FAM24B: variants seen among roughly 807,000 people sequenced by gnomAD.
FAM24B encodes family with sequence similarity 24 member B.
Under a neutral mutation model 2.3 loss-of-function variants are expected in FAM24B, and 3 were observed. The ratio of observed to expected loss-of-function variants is 1.29; its 90% CI spans 0.59 to 3.32. The LOEUF (loss-of-function observed/expected upper bound fraction) is 3.32, where lower values mean the gene tolerates loss of function less well. FAM24B is among the 30% of genes most tolerant of loss of function. FAM24B has a pLI of 0.03. For synonymous variants in FAM24B, 36 were observed against 46.3 expected (o/e 0.78, Z 0.90); for missense variants, 98 against 117.2 (o/e 0.84, Z 0.76).
At chr10:122,874,949 T>C (rs1847955353) in intron 1 of FAM24B, among the ~76,000 whole-genome samples, 1 of 152,228 alleles carries the variant, frequency 6.6e-6, no homozygotes, top group Admixed American at 6.5e-5. Context: ...TTTATCTTGC[T>C]TGGTGTTCTC....
intron 1 of FAM24B, among the ~76,000 whole-genome samples, chr10:122,863,881 A>G (rs1847762391): frequency 6.6e-6 from 1 of 152,208 alleles, no homozygotes; most frequent in African/African-American, 2.4e-5. Context: ...GTCCTTTTCC[A>G]GCAGGCACAA....
Position 122,849,106 on chromosome 10 carries a change from G to T in FAM24B, c.*141C>A. 2 of 527,060 alleles carry T rather than the reference G, an allele frequency of 3.8e-6. No homozygotes were observed. The highest frequency in any genetic ancestry group is 6.2e-6 in the Non-Finnish European group (2 of 324,312). The allele number at this position is 527,060 out of a possible 1,614,324, so 32.6% of individuals were successfully genotyped here. A position where few individuals can be genotyped will look rare whatever the true frequency, so the allele number is the denominator to read the frequency against. ...GCAGCAAAGAGGATTATTTTTAATA[G>T]TGTACATTTATTCAAAAGTATATAA... On this transcript the variant is annotated 3_prime_UTR_variant, in exon 4 of 4. Coordinates refer to ENST00000368898, the MANE Select transcript of FAM24B (RefSeq NM_152644.3).
intron 1 of FAM24B, among the ~76,000 whole-genome samples, chr10:122,873,290 C>T (rs752353816): frequency 5.9e-5 from 9 of 152,212 alleles, no homozygotes; most frequent in Non-Finnish European, 8.8e-5. Flanking sequence ...AGCCAACGCT[C>T]ATTTACCATT....
At chr10:122,868,274 G>A (rs1298066523) in intron 1 of FAM24B, among the ~76,000 whole-genome samples, 4 of 152,266 alleles carry the variant, frequency 2.6e-5, no homozygotes, top group African/African-American at 9.6e-5. Context: ...CAAGAAATAT[G>A]GGACTATGTG....
chr10:122,873,314 G>A (rs1196985415), intron 1 of FAM24B, among the ~76,000 whole-genome samples: 1 of 152,148 alleles, frequency 6.6e-6, no homozygotes, highest in East Asian at 1.9e-4. Context: ...AAAATCCTAG[G>A]GCTCTTAAGA....
chr10:122,869,376 C>G (rs1268633488), intron 1 of FAM24B, among the ~76,000 whole-genome samples: 7 of 152,130 alleles, frequency 4.6e-5, no homozygotes, highest in Non-Finnish European at 8.8e-5. Context: ...GCAGATCAAC[C>G]AGACAGAAAG....
intron 1 of FAM24B, among the ~76,000 whole-genome samples, chr10:122,868,459 G>C (rs1847837455): frequency 6.6e-6 from 1 of 152,096 alleles, no homozygotes; most frequent in Non-Finnish European, 1.5e-5. Flanking sequence ...CTGGAGAAGA[G>C]CAACTCCAAG....
chr10:122,867,727 G>C (rs886129934), intron 1 of FAM24B, among the ~76,000 whole-genome samples: 3 of 152,164 alleles, frequency 2.0e-5, no homozygotes, highest in African/African-American at 4.8e-5. Flanking sequence ...TGCAGCTGAG[G>C]GTCCTGAGAG....
intron 1 of FAM24B, among the ~76,000 whole-genome samples, chr10:122,878,438 C>T (rs1405422500): frequency 6.6e-6 from 1 of 151,944 alleles, no homozygotes; most frequent in Non-Finnish European, 1.5e-5. Flanking sequence ...AAGGCTGAGG[C>T]AGGAGAATCG....
At chr10:122,850,057 T>TCCC (rs1337274298) in intron 3 of FAM24B, among the ~76,000 whole-genome samples, 1 of 151,912 alleles carries the variant, frequency 6.6e-6, no homozygotes, top group Admixed American at 6.6e-5. Context: ...TCATGCAGCC[T>TCCC]CCCCCACAGA....
At chr10:122,870,769 A>G (rs1187957270) in intron 1 of FAM24B, among the ~76,000 whole-genome samples, 3 of 152,228 alleles carry the variant, frequency 2.0e-5, no homozygotes, top group Admixed American at 6.5e-5. Context: ...TAAATTAGGT[A>G]TTGACGGGAC....
intron 1 of FAM24B, among the ~76,000 whole-genome samples, chr10:122,861,998 T>C (rs111416260): frequency 0.015 from 2,235 of 152,306 alleles, 53 homozygotes; most frequent in African/African-American, 0.045. Flanking sequence ...CATCTTGCTT[T>C]CTTTCACTGA....
At chr10:122,872,806 C>T (rs1340567523) in intron 1 of FAM24B, among the ~76,000 whole-genome samples, 3 of 151,872 alleles carry the variant, frequency 2.0e-5, no homozygotes, top group South Asian at 2.1e-4. Context: ...GGAGGGGGGA[C>T]GGATAGCATT....
At chr10:122,849,531 G>T in intron 3 of FAM24B, 92 bp from the exon 4 acceptor site, 1 of 1,154,932 alleles carries the variant, frequency 8.7e-7, no homozygotes, top group Non-Finnish European at 1.2e-6. Flanking sequence ...GGAGTTTAGT[G>T]CTGAAGCCAG....
intron 1 of FAM24B, among the ~76,000 whole-genome samples, chr10:122,876,700 G>T (rs985391987): frequency 6.6e-6 from 1 of 152,134 alleles, no homozygotes; most frequent in Non-Finnish European, 1.5e-5. Flanking sequence ...CCAGTTTGGG[G>T]GTGGCCATTT....
At position 122,849,112 on chromosome 10, in the gene FAM24B, A is replaced by G. The variant is rs1847481405; in HGVS notation, c.*135T>C. 1 of 574,634 alleles carries G rather than the reference A, an allele frequency of 1.7e-6. No individual in the cohort carries two copies. The highest frequency in any genetic ancestry group is 1.9e-5 in the African/African-American group (1 of 51,760). 35.6% of individuals were successfully genotyped at this position (574,634 alleles called of 1,614,324 possible). On this transcript the variant is annotated 3_prime_UTR_variant, in exon 4 of 4. Coordinates refer to ENST00000368898, the MANE Select transcript of FAM24B (RefSeq NM_152644.3). ...AAGAGGATTATTTTTAATAGTGTAC[A>G]TTTATTCAAAAGTATATAAAACAAC...
Position 122,869,046 on chromosome 10 carries a change from G to A in FAM24B, c.-178+10439C>T, listed in dbSNP as rs1430015989. ...GCTGTATTCAGGAAACCCATCTCAC[G>A]TGCAGAGACACACATAGGCTCAAAA... is the stretch of plus-strand genomic sequence containing the variant. On this transcript the variant is annotated intron_variant, in intron 1 of 3. Transcript: ENST00000368898. Among the ~76,000 whole-genome samples the A allele has an allele frequency of 4.6e-5, 7 of 152,044 alleles. No homozygotes were observed. The South Asian group carries it at 6.2e-4, about 14-fold the overall frequency.
intron 2 of FAM24B, among the ~76,000 whole-genome samples, chr10:122,855,049 T>C (rs1487662999): frequency 6.6e-6 from 1 of 152,232 alleles, no homozygotes; most frequent in Non-Finnish European, 1.5e-5. Context: ...TATCTTTACC[T>C]TCAGACTCTT....
intron 1 of FAM24B, among the ~76,000 whole-genome samples, chr10:122,878,777 A>G (rs950897903): frequency 2.0e-5 from 3 of 151,112 alleles, no homozygotes; most frequent in Admixed American, 6.6e-5. Context: ...AGACTGGGTG[A>G]TAATACTGAA....
Sources: allele counts gnomAD v4.1 joint callset (sites outside exome capture counted in the v4.1 genomes callset), GRCh38; gene constraint gnomAD v4.1.1; transcripts MANE v1.5; gene names NCBI Gene and HGNC (gene_info 2026-07-23, HGNC 2026-07-21).